Variants in NUDCD3 observed in about 807,000 individuals in gnomAD.
NUDCD3 encodes nudC domain-containing protein 3.
Under a neutral mutation model 39.7 loss-of-function variants are expected in NUDCD3, and 13 were observed. That is an observed-to-expected ratio of 0.33 (90% confidence interval 0.21 to 0.52). The LOEUF (loss-of-function observed/expected upper bound fraction) is 0.52, where lower values mean the gene tolerates loss of function less well. NUDCD3 is among the 20% of genes least tolerant of loss of function. The pLI is 0.96. For synonymous variants in NUDCD3, 175 were observed against 172.4 expected, an observed-to-expected ratio of 1.02 and a Z score of -0.12; for missense variants, 453 against 458.1, an observed-to-expected ratio of 0.99 and a Z score of 0.10.
At position 44,485,260 on chromosome 7, in the gene NUDCD3, C is replaced by A; in HGVS notation, c.217G>T (p.Ala73Ser). Residue 73 changes from alanine (A) to serine (S), a missense_variant, in exon 2 of 6, where the codon GCC becomes TCC. Transcript: ENST00000355451. ...CTTCTCTTCTCATCATCCTGACGGGCCATGTGGTCAAAGGTTTTGAATACC... is the reference window on the plus strand; with the variant it reads ...CTTCTCTTCTCATCATCCTGACGGGACATGTGGTCAAAGGTTTTGAATACC... ...LQVFKTFDHM[A>S]RQDDEKRRQE... 1 of 1,612,942 alleles carries A rather than the reference C, an allele frequency of 6.2e-7. No homozygotes were observed.
chr7:44,441,019 C>T (rs1799572938), intron 2 of NUDCD3, among the ~76,000 whole-genome samples: 1 of 152,200 alleles, frequency 6.6e-6, no homozygotes, highest in South Asian at 2.1e-4. Context: ...TCCCATATTC[C>T]CACAGTCCCA....
chr7:44,406,554 C>G (rs1307201362), intron 3 of NUDCD3, among the ~76,000 whole-genome samples: 1 of 152,196 alleles, frequency 6.6e-6, no homozygotes, highest in Non-Finnish European at 1.5e-5. Context: ...ATATAATTCT[C>G]CCACCCAGCT....
At chr7:44,486,060 G>C (rs1255517092) in intron 1 of NUDCD3, among the ~76,000 whole-genome samples, 1 of 152,226 alleles carries the variant, frequency 6.6e-6, no homozygotes, top group Non-Finnish European at 1.5e-5. Flanking sequence ...AGACTTCTTG[G>C]AACAAGGAGG....
intron 2 of NUDCD3, among the ~76,000 whole-genome samples, chr7:44,464,230 GA>G (rs371405840): frequency 0.13 from 18,536 of 143,678 alleles, 1,556 homozygotes; most frequent in Non-Finnish European, 0.19. Context: ...AAAAAAAAAA[GA>G]AAAAGAAAAC....
chr7:44,409,173 A>G (rs1213574280), intron 3 of NUDCD3, among the ~76,000 whole-genome samples: 1 of 152,206 alleles, frequency 6.6e-6, no homozygotes, highest in Non-Finnish European at 1.5e-5. Flanking sequence ...CACACTCAGG[A>G]AAAACCTAAG....
intron 2 of NUDCD3, among the ~76,000 whole-genome samples, chr7:44,465,798 T>G (rs1800106678): frequency 6.6e-6 from 1 of 152,084 alleles, no homozygotes; most frequent in Non-Finnish European, 1.5e-5. Flanking sequence ...CCACCGTACT[T>G]CTCAAATTGT....
chr7:44,468,349 CAAAAAAAAAA>C, intron 2 of NUDCD3: 7 of 375,658 alleles, frequency 1.9e-5, no homozygotes, highest in Admixed American at 1.3e-4. Context: ...GTAAAAACTG[CAAAAAAAAAA>C]AAAAAAAAAA....
intron 2 of NUDCD3, among the ~76,000 whole-genome samples, chr7:44,432,575 G>C (rs1585075100): frequency 1.3e-5 from 2 of 152,326 alleles, no homozygotes; most frequent in African/African-American, 4.8e-5. Flanking sequence ...TGTCAAGCTT[G>C]CTGCTCCCCA....
At chr7:44,390,152 G>T (rs1429748412) in intron 5 of NUDCD3, among the ~76,000 whole-genome samples, 1 of 152,056 alleles carries the variant, frequency 6.6e-6, no homozygotes, top group Non-Finnish European at 1.5e-5. Flanking sequence ...ATCATCTGAG[G>T]TCAGGAGTTC....
At chr7:44,433,397 T>G (rs1318228738) in intron 2 of NUDCD3, among the ~76,000 whole-genome samples, 1 of 152,124 alleles carries the variant, frequency 6.6e-6, no homozygotes, top group Non-Finnish European at 1.5e-5. Context: ...ATGCGGCTGG[T>G]GCATGTGTAC....
intron 2 of NUDCD3, among the ~76,000 whole-genome samples, chr7:44,465,847 T>A (rs1800107416): frequency 6.6e-6 from 1 of 151,824 alleles, no homozygotes; most frequent in Admixed American, 6.6e-5. Flanking sequence ...AAACACCAGT[T>A]AAAAAAAATA....
chr7:44,465,432 T>C (rs572662628), intron 2 of NUDCD3, among the ~76,000 whole-genome samples: 5 of 152,284 alleles, frequency 3.3e-5, no homozygotes, highest in African/African-American at 1.2e-4. Flanking sequence ...GAGCAGTGTA[T>C]ACAGCCACTA....
chr7:44,427,842 C>G (rs971589583), intron 2 of NUDCD3, 139 bp from the exon 3 acceptor site: 1 of 776,702 alleles, frequency 1.3e-6, no homozygotes, highest in Non-Finnish European at 2.0e-6. Flanking sequence ...GCTCTGGCAT[C>G]TGCAAACTCC....
At chr7:44,463,167 G>A (rs1246818773) in intron 2 of NUDCD3, among the ~76,000 whole-genome samples, 2 of 152,116 alleles carry the variant, frequency 1.3e-5, no homozygotes, top group African/African-American at 2.4e-5. Context: ...ACCCTAGCCC[G>A]CTCTAGTTTG....
At chr7:44,404,289 G>C (rs1357939228) in intron 4 of NUDCD3, 151 bp downstream of exon 4, 3 of 730,120 alleles carry the variant, frequency 4.1e-6, no homozygotes, top group African/African-American at 3.5e-5. Flanking sequence ...TCTCTGAGCA[G>C]TATGGAAAAT....
intron 2 of NUDCD3, among the ~76,000 whole-genome samples, chr7:44,472,556 A>G (rs79991918): frequency 0.037 from 5,703 of 152,310 alleles, 184 homozygotes; most frequent in East Asian, 0.14. Flanking sequence ...AATTTACGGG[A>G]ATATTTGAGA....
chr7:44,473,531 C>G (rs1037132811), intron 2 of NUDCD3, among the ~76,000 whole-genome samples: 2 of 152,194 alleles, frequency 1.3e-5, no homozygotes, highest in Non-Finnish European at 2.9e-5. Flanking sequence ...GGGTTCACAG[C>G]ACATTCCAGG....
chr7:44,486,405 A>G (rs1800610365), intron 1 of NUDCD3, among the ~76,000 whole-genome samples: 1 of 152,220 alleles, frequency 6.6e-6, no homozygotes, highest in African/African-American at 2.4e-5. Flanking sequence ...AAAAATGAGA[A>G]AAAAATAAGG....
chr7:44,430,695 G>C (rs1300796363), intron 2 of NUDCD3, among the ~76,000 whole-genome samples: 1 of 152,062 alleles, frequency 6.6e-6, no homozygotes, highest in Non-Finnish European at 1.5e-5. Context: ...GCTCTCTCAA[G>C]AAAGGAGAAT....
Sources: allele counts gnomAD v4.1 joint callset (sites outside exome capture counted in the v4.1 genomes callset), GRCh38; gene constraint gnomAD v4.1.1; transcripts MANE v1.5; gene names NCBI Gene and HGNC (gene_info 2026-07-23, HGNC 2026-07-21).